RIN3: variants seen among roughly 807,000 people sequenced by gnomAD.
The protein encoded by RIN3 is RAB5 interacting protein 3.
In RIN3, 54 loss-of-function variants were observed where a neutral mutation model predicts 76.3. That is an observed-to-expected ratio of 0.71 (90% CI 0.57 to 0.89). RIN3 has a LOEUF of 0.89. Ranked by LOEUF, RIN3 falls within the 40% of genes least tolerant of loss-of-function variation. RIN3 has a pLI of 0.00. For synonymous variants in RIN3, 576 were observed against 564.0 expected (o/e 1.02, Z -0.30); for missense variants, 1,256 against 1,322.1 (o/e 0.95, Z 0.78).
chr14:92,669,139 A>G (rs193191570), intron 7 of RIN3, among the ~76,000 whole-genome samples: 1 of 152,364 alleles, frequency 6.6e-6, no homozygotes, highest in East Asian at 1.9e-4. Context: ...AAATATTTTT[A>G]TTAAACACCT....
chr14:92,536,742 G>GAAAAAAAAAAAAAAA (rs66654234), intron 1 of RIN3, among the ~76,000 whole-genome samples: 1 of 128,234 alleles, frequency 7.8e-6, no homozygotes. Flanking sequence ...CTCCGTCTCA[G>GAAAAAAAAAAAAAAA]AAAAAAAAAA....
chr14:92,661,393 G>C (rs1007779923), intron 7 of RIN3, among the ~76,000 whole-genome samples: 3 of 152,146 alleles, frequency 2.0e-5, no homozygotes, highest in Admixed American at 6.5e-5. Flanking sequence ...TCACATTTTT[G>C]TGGTAAACTG....
intron 5 of RIN3, among the ~76,000 whole-genome samples, chr14:92,649,912 G>A (rs897990611): frequency 6.6e-6 from 1 of 152,184 alleles, no homozygotes; most frequent in African/African-American, 2.4e-5. Context: ...ACAGCTGGTG[G>A]GTCGCAGTTC....
chr14:92,525,698 C>G (rs532018256), intron 1 of RIN3, among the ~76,000 whole-genome samples: 1 of 152,262 alleles, frequency 6.6e-6, no homozygotes, highest in East Asian at 1.9e-4. Flanking sequence ...GGGGAGGTGC[C>G]AAAGCCCCCA....
intron 9 of RIN3, chr14:92,687,706 A>T: frequency 1.9e-6 from 1 of 521,178 alleles, no homozygotes; most frequent in Non-Finnish European, 3.3e-6. Context: ...ACGCGCCTTA[A>T]TTCATCTCCC....
At chr14:92,538,242 T>TG (rs1488475795) in intron 1 of RIN3, among the ~76,000 whole-genome samples, 4 of 152,246 alleles carry the variant, frequency 2.6e-5, no homozygotes, top group Non-Finnish European at 5.9e-5. Context: ...GTGCTGGGAT[T>TG]ACAGGCGTGA....
intron 7 of RIN3, among the ~76,000 whole-genome samples, chr14:92,674,133 C>T (rs1375631300): frequency 2.0e-5 from 3 of 152,180 alleles, no homozygotes; most frequent in Non-Finnish European, 4.4e-5. Context: ...CAAACATCCT[C>T]GGGCACCTCG....
chr14:92,629,454 C>T (rs1171121824), intron 4 of RIN3, among the ~76,000 whole-genome samples: 1 of 152,150 alleles, frequency 6.6e-6, no homozygotes, highest in Non-Finnish European at 1.5e-5. Context: ...GTTTAAATAC[C>T]CTCTAGAGGA....
chr14:92,570,950 C>T (rs1323242779), intron 2 of RIN3, among the ~76,000 whole-genome samples: 1 of 152,228 alleles, frequency 6.6e-6, no homozygotes, highest in Admixed American at 6.5e-5. Flanking sequence ...CTAACGCTGC[C>T]TCTTTACATA....
intron 5 of RIN3, among the ~76,000 whole-genome samples, chr14:92,647,670 T>A (rs374167115): frequency 2.0e-5 from 3 of 152,172 alleles, no homozygotes; most frequent in East Asian, 1.9e-4. Context: ...CCTTGTTGGA[T>A]TTTTTAGTGT....
chr14:92,540,425 G>A (rs142397149), intron 1 of RIN3, among the ~76,000 whole-genome samples: 2 of 152,182 alleles, frequency 1.3e-5, no homozygotes, highest in African/African-American at 4.8e-5. Flanking sequence ...GACACTTCTT[G>A]GAGCCACAAG....
At chr14:92,619,059 C>T (rs1360187315) in intron 4 of RIN3, among the ~76,000 whole-genome samples, 6 of 152,254 alleles carry the variant, frequency 3.9e-5, no homozygotes, top group Middle Eastern at 3.4e-3. Context: ...ATAGCATATA[C>T]TTAGACATTA....
chr14:92,639,677 G>A (rs941548564), intron 4 of RIN3, among the ~76,000 whole-genome samples: 2 of 152,186 alleles, frequency 1.3e-5, no homozygotes, highest in East Asian at 3.9e-4. Flanking sequence ...ACTACCATGT[G>A]GGCTGGCCAC....
At chr14:92,687,832 A>C (rs1209911220) in intron 9 of RIN3, 94 bp from the exon 10 acceptor site, 1 of 1,181,198 alleles carries the variant, frequency 8.5e-7, no homozygotes, top group African/African-American at 1.6e-5. Flanking sequence ...GGCGCCCGCC[A>C]CCCGCTATCC....
chr14:92,557,689 C>T lies in RIN3; in HGVS notation c.249+1734C>T, dbSNP rs1002296846. Among the ~76,000 whole-genome samples, 3 of 152,182 alleles carry T rather than the reference C, an allele frequency of 2.0e-5. No homozygotes were observed. In the East Asian group the frequency reaches 5.8e-4, roughly 29 times the overall value. ...GGCCTGGAAGCACAGCAGTGTCCTG[C>T]CAAGACCAGGGGGACCGCTGGCCTG... On this transcript the variant is annotated intron_variant, in intron 2 of 9. Transcript: ENST00000216487.
chr14:92,636,400 A>G (rs987920039), intron 4 of RIN3, among the ~76,000 whole-genome samples: 1 of 152,220 alleles, frequency 6.6e-6, no homozygotes, highest in Non-Finnish European at 1.5e-5. Context: ...CCTGGTCAAC[A>G]TGGTGAAAAC....
intron 5 of RIN3, among the ~76,000 whole-genome samples, chr14:92,650,040 C>T (rs1287420257): frequency 2.0e-5 from 3 of 152,242 alleles, no homozygotes; most frequent in Non-Finnish European, 4.4e-5. Context: ...GTGCCCACCT[C>T]TTAGAGCGAG....
intron 9 of RIN3, 110 bp from the exon 10 acceptor site, chr14:92,687,816 C>A: frequency 2.0e-6 from 2 of 1,001,130 alleles, no homozygotes; most frequent in Non-Finnish European, 2.8e-6. Flanking sequence ...GACTCGCAGA[C>A]AGCTTGGCGC....
chr14:92,545,667 A>G (rs1181431549), intron 1 of RIN3, among the ~76,000 whole-genome samples: 1 of 146,422 alleles, frequency 6.8e-6, no homozygotes, highest in African/African-American at 2.5e-5. Context: ...TGCAGCCTCA[A>G]TCTCCCCGGG....
Sources: gnomAD v4.1 joint callset for allele counts (sites outside exome capture counted in the v4.1 genomes callset) on GRCh38, gnomAD v4.1.1 for gene constraint, MANE v1.5 for transcripts, NCBI Gene and HGNC (gene_info 2026-07-23, HGNC 2026-07-21) for gene names.